The following TECR variants were observed in gnomAD, a reference collection of about 807,000 sequenced individuals.
The protein encoded by TECR is very-long-chain enoyl-CoA reductase.
Under a neutral mutation model 50.6 loss-of-function variants are expected in TECR, and 19 were observed. The ratio of observed to expected loss-of-function variants is 0.38; its 90% CI spans 0.26 to 0.55. The LOEUF (loss-of-function observed/expected upper bound fraction) is 0.55. Among genes scored for constraint, TECR ranks in the 20% least tolerant of loss-of-function variants. TECR has a pLI of 0.79. For missense variants in TECR, 313 were observed against 408.3 expected, an observed-to-expected ratio of 0.77 and a Z score of 2.01; for synonymous variants, 168 against 163.5, an observed-to-expected ratio of 1.03 and a Z score of -0.21.
intron 1 of TECR, chr19:14,545,576 C>T (rs150228211): frequency 1.6e-3 from 328 of 201,992 alleles, no homozygotes; most frequent in African/African-American, 6.4e-3. Context: ...GCTGCCCGCA[C>T]GCTCTTGTTA....
intron 1 of TECR, among the ~76,000 whole-genome samples, chr19:14,560,701 G>T (rs1474839094): frequency 1.3e-5 from 2 of 152,242 alleles, no homozygotes; most frequent in African/African-American, 2.4e-5. Context: ...AGGAGGCCCC[G>T]TGGGCCAGGA....
At chr19:14,534,616 A>G (rs2072799615) in intron 1 of TECR, among the ~76,000 whole-genome samples, 1 of 151,646 alleles carries the variant, frequency 6.6e-6, no homozygotes, top group Non-Finnish European at 1.5e-5. Flanking sequence ...CTGTAGTTTT[A>G]GTAGAGATGG....
At chr19:14,560,601 C>A (rs2073874657) in intron 1 of TECR, among the ~76,000 whole-genome samples, 1 of 152,202 alleles carries the variant, frequency 6.6e-6, no homozygotes, top group Non-Finnish European at 1.5e-5. Flanking sequence ...AGCTCTTTGG[C>A]CTTGTTATCG....
chr19:14,542,415 G>T (rs905902243), intron 1 of TECR, among the ~76,000 whole-genome samples: 14 of 134,454 alleles, frequency 1.0e-4, no homozygotes, highest in African/African-American at 3.1e-4. Context: ...AGTCTGGAGT[G>T]CAGTGGTGCA....
chr19:14,535,949 G>A (rs1384194131), intron 1 of TECR, among the ~76,000 whole-genome samples: 1 of 151,922 alleles, frequency 6.6e-6, no homozygotes, highest in Non-Finnish European at 1.5e-5. Flanking sequence ...TCCTGGTGGA[G>A]TCCCTTCTGT....
At chr19:14,558,914 T>C (rs1486691493) in intron 1 of TECR, among the ~76,000 whole-genome samples, 1 of 152,218 alleles carries the variant, frequency 6.6e-6, no homozygotes, top group African/African-American at 2.4e-5. Context: ...AGCAGCTGCC[T>C]GTACCCTCTG....
In TECR at chr19:14,565,743, G is replaced by C; in HGVS notation, c.800-1G>C. 1 of 1,612,536 alleles carries C rather than the reference G, an allele frequency of 6.2e-7. No individual in the cohort carries two copies. The highest frequency in any genetic ancestry group is 1.7e-4 in the Middle Eastern group (1 of 6,060). ...TCCCTGACGCCCGTTCTTTCCTGCA[G>C]TGGCCCTGTTCTCCCTGGTGGGCTT... On this transcript the variant is annotated splice_acceptor_variant, in intron 12 of 12. Coordinates refer to ENST00000215567, the MANE Select transcript of TECR (RefSeq NM_138501.6). LOFTEE classifies it high-confidence loss of function.
At chr19:14,547,998 C>T (rs1421622332) in intron 1 of TECR, among the ~76,000 whole-genome samples, 1 of 145,436 alleles carries the variant, frequency 6.9e-6, no homozygotes, top group African/African-American at 2.6e-5. Flanking sequence ...GAGTCTCGCT[C>T]TGTCACCCAG....
rs2072535958 is a variant in TECR, at chr19:14,529,639, T to C, written c.-58T>C. 1 of 1,613,512 alleles carries C rather than the reference T, an allele frequency of 6.2e-7. No individual in the cohort carries two copies. The highest frequency in any genetic ancestry group is 8.5e-7 in the Non-Finnish European group (1 of 1,179,734). On this transcript the variant is annotated 5_prime_UTR_variant, in exon 1 of 13. Coordinates refer to ENST00000215567, the MANE Select transcript of TECR (RefSeq NM_138501.6). The stretch of plus-strand genomic sequence containing the variant: ...TGCGAGCGCTGTAGGGAGCCTGTGC[T>C]GTGCCGCGCAGTTAGGCAGCAGCAG...
rs988803198 is a variant in TECR at position 14,529,903 on chromosome 19, A to G, written c.15+192A>G. ...GCGCATGTGCGCAGGAAGTATTTAT[A>G]AATCTGCAACCCAGGCTGTTTTGGG... On this transcript the variant is annotated intron_variant, in intron 1 of 12. Coordinates refer to ENST00000215567, the MANE Select transcript of TECR (RefSeq NM_138501.6). 1.3e-5 allele frequency: 10 copies of G among 788,376 alleles called. No individual in the cohort carries two copies. The African/African-American group carries it at 1.4e-4, about 11-fold the overall frequency. 48.8% of individuals were successfully genotyped at this position (788,376 alleles called of 1,614,324 possible). A position where few individuals can be genotyped will look rare whatever the true frequency, so the allele number is the denominator to read the frequency against.
intron 1 of TECR, chr19:14,533,848 T>C (rs2072762726): frequency 6.6e-6 from 1 of 152,202 alleles, no homozygotes; most frequent in South Asian, 2.1e-4. Flanking sequence ...GGGTCAGAGC[T>C]AGGTCGGTAA....
rs1480395499 is a variant in TECR at position 14,531,009 on chromosome 19, T to C, written c.15+1298T>C. ...CATTCCGTCTTAATGAATTGACTAC[T>C]CTAGGTACCTTGGATACGTAGAAGG... On this transcript the variant is annotated intron_variant, in intron 1 of 12. Transcript: ENST00000215567. The C allele has an allele frequency of 3.3e-5, 5 of 152,324 alleles. No homozygotes were observed. In the East Asian group the frequency reaches 9.6e-4, roughly 29 times the overall value. 9.4% of individuals were successfully genotyped at this position (152,324 alleles called of 1,614,324 possible).
intron 1 of TECR, among the ~76,000 whole-genome samples, chr19:14,561,068 G>A (rs919634675): frequency 1.2e-4 from 18 of 152,130 alleles, no homozygotes; most frequent in Non-Finnish European, 2.2e-4. Flanking sequence ...AAGCCCCCTT[G>A]TCTCCCGCTG....
At chr19:14,554,620 G>T (rs144096984) in intron 1 of TECR, among the ~76,000 whole-genome samples, 192 of 152,268 alleles carry the variant, frequency 1.3e-3, no homozygotes, top group African/African-American at 4.1e-3. Flanking sequence ...GCCTCCAGGG[G>T]ATGAGCAGGA....
In TECR at chr19:14,535,212, A is replaced by C. The variant is rs565987447; in HGVS notation, c.15+5501A>C. Among the ~76,000 whole-genome samples, 26 of 151,306 alleles carry C rather than the reference A, an allele frequency of 1.7e-4. No individual in the cohort carries two copies. The South Asian group carries it at 4.8e-3, about 28-fold the overall frequency. On this transcript the variant is annotated intron_variant, in intron 1 of 12. Transcript: ENST00000215567. ...ACATGGCGAAACCCCCTCTCCACTA[A>C]AAATATAAAAATTGGCCGGGTGCAG...
chr19:14,557,120 T>TATTC (rs1306105016), intron 1 of TECR, among the ~76,000 whole-genome samples: 2 of 139,864 alleles, frequency 1.4e-5, no homozygotes, highest in East Asian at 4.0e-4. Flanking sequence ...TAATCTTATT[T>TATTC]ATTTATTTAT....
At position 14,529,690 on chromosome 19, in the gene TECR, G is replaced by A. The variant is rs1011784923; in HGVS notation, c.-7G>A. On this transcript the variant is annotated 5_prime_UTR_variant, in exon 1 of 13. Transcript: ENST00000215567. ...CCGCGGAGCAGTAGCCGCCGTGGGAGGGAGCCATGAAGCATTACGAGGTAA... is the reference window on the plus strand; with the variant it reads ...CCGCGGAGCAGTAGCCGCCGTGGGAAGGAGCCATGAAGCATTACGAGGTAA... 1 of 1,614,110 alleles carries A rather than the reference G, an allele frequency of 6.2e-7. No individual in the cohort carries two copies. The highest frequency in any genetic ancestry group is 1.1e-5 in the South Asian group (1 of 91,090).
At chr19:14,562,849 A>G (rs2073943288) in intron 2 of TECR, among the ~76,000 whole-genome samples, 1 of 152,042 alleles carries the variant, frequency 6.6e-6, no homozygotes, top group Admixed American at 6.5e-5. Flanking sequence ...GCCTGGGGGA[A>G]GGGGCTTGCG....
chr19:14,556,936 G>C (rs2073748331), intron 1 of TECR, among the ~76,000 whole-genome samples: 1 of 152,052 alleles, frequency 6.6e-6, no homozygotes, highest in South Asian at 2.1e-4. Flanking sequence ...GTTAGGGTTT[G>C]GGTTCACTGT....
Sources: allele counts gnomAD v4.1 joint callset (sites outside exome capture counted in the v4.1 genomes callset), GRCh38; gene constraint gnomAD v4.1.1; transcripts MANE v1.5; gene names NCBI Gene and HGNC (gene_info 2026-07-23, HGNC 2026-07-21).